MRO: variants seen among roughly 807,000 people sequenced by gnomAD.
MRO encodes protein maestro.
In MRO, 28 loss-of-function variants were observed where a neutral mutation model predicts 31.0. The ratio of observed to expected loss-of-function variants is 0.90; its 90% CI spans 0.67 to 1.24. The LOEUF is 1.24. MRO is among the 50% of genes most tolerant of loss of function. The probability of loss-of-function intolerance (pLI) is 0.00; values close to 1 mark genes in which losing one functional copy is unlikely to be tolerated. For synonymous variants in MRO, 108 were observed against 108.4 expected (o/e 1.00, Z 0.02); for missense variants, 332 against 289.2 (o/e 1.15, Z -1.07).
Position 50,805,687 on chromosome 18 carries a change from G to A in MRO, c.247-351C>T, listed in dbSNP as rs72927704. Reference sequence around the variant, plus strand: ...AGACAAAATGGACACTGAAGTTGGCGGATGGTAAAGGAGGAGGTGGGAAAA... The same window carrying A: ...AGACAAAATGGACACTGAAGTTGGCAGATGGTAAAGGAGGAGGTGGGAAAA... On this transcript the variant is annotated intron_variant, in intron 4 of 7. Coordinates refer to ENST00000398439, the MANE Select transcript of MRO (RefSeq NM_031939.6). Among the ~76,000 whole-genome samples, 507 of 152,128 alleles carry A rather than the reference G, an allele frequency of 3.3e-3. 2 individuals carry two copies. Among genetic ancestry groups the A allele is most frequent in the Non-Finnish European group, 5.9e-3 (398 of 67,994 alleles).
chr18:50,806,696 T>C lies in MRO; in HGVS notation c.246+8A>G. 1 of 1,614,048 alleles carries C rather than the reference T, an allele frequency of 6.2e-7. No individual in the cohort carries two copies. Among genetic ancestry groups the C allele is most frequent in the Non-Finnish European group, 8.5e-7 (1 of 1,179,996 alleles). On this transcript the variant is annotated splice_region_variant and intron_variant, in intron 4 of 7. Coordinates refer to ENST00000398439, the MANE Select transcript of MRO (RefSeq NM_031939.6). ...GGGAGCTGGCTGAGCCCCACTCTCC[T>C]TCCCTACCTTGTCAGGGGCTTCATA...
At chr18:50,804,048 G>T (rs1389409418) in intron 5 of MRO, among the ~76,000 whole-genome samples, 1 of 150,906 alleles carries the variant, frequency 6.6e-6, no homozygotes, top group African/African-American at 2.4e-5. Flanking sequence ...AGGAGCTGGT[G>T]GCATGTCCAC....
At chr18:50,810,916 T>A (rs1388379347) in intron 2 of MRO, among the ~76,000 whole-genome samples, 1 of 152,174 alleles carries the variant, frequency 6.6e-6, no homozygotes, top group Admixed American at 6.5e-5. Context: ...GTTGCATATG[T>A]ATACATGTGA....
At chr18:50,803,137 A>T (rs1913559723) in intron 5 of MRO, among the ~76,000 whole-genome samples, 1 of 152,140 alleles carries the variant, frequency 6.6e-6, no homozygotes, top group Admixed American at 6.5e-5. Context: ...ACTATCAGCA[A>T]ACAGCTCTGC....
chr18:50,819,288 G>C (rs1414446818), intron 2 of MRO, among the ~76,000 whole-genome samples: 1 of 152,154 alleles, frequency 6.6e-6, no homozygotes, highest in African/African-American at 2.4e-5. Context: ...TCAGTTTAAA[G>C]TGTCAATATC....
chr18:50,812,903 C>G (rs1914588524), intron 2 of MRO, among the ~76,000 whole-genome samples: 1 of 152,122 alleles, frequency 6.6e-6, no homozygotes, highest in African/African-American at 2.4e-5. Context: ...TAAAGCCCAC[C>G]AAGTAATTCC....
chr18:50,797,511 C>T lies in MRO; in HGVS notation c.*1826G>A, dbSNP rs1451796346. On this transcript the variant is annotated 3_prime_UTR_variant, in exon 8 of 8. Transcript: ENST00000398439. ...GGGGGCCACCAAAATAAAAGCCTAC[C>T]ATTGAATCTTAAAGTCAAATAATCC... 2 of 152,204 alleles carry T rather than the reference C, an allele frequency of 1.3e-5. No individual in the cohort carries two copies. Among genetic ancestry groups the T allele is most frequent in the Admixed American group, 6.6e-5 (1 of 15,262 alleles). The allele number at this position is 152,204 out of a possible 1,614,324, so 9.4% of individuals were successfully genotyped here. A position where few individuals can be genotyped will look rare whatever the true frequency, so the allele number is the denominator to read the frequency against.
chr18:50,802,340 T>C (rs1347870213), intron 5 of MRO, among the ~76,000 whole-genome samples: 2 of 152,198 alleles, frequency 1.3e-5, no homozygotes, highest in African/African-American at 4.8e-5. Flanking sequence ...TGCATTTCAG[T>C]GGACTCCGCC....
chr18:50,825,220 G>A (rs1309400353), intron 1 of MRO: 2 of 152,134 alleles, frequency 1.3e-5, no homozygotes, highest in Non-Finnish European at 2.9e-5. Context: ...CAGTTGAACT[G>A]GTTAAGTCTA....
rs571225724 is a variant in MRO at position 50,798,611 on chromosome 18, T to C, written c.*726A>G. The C allele has an allele frequency of 1.3e-5, 2 of 152,320 alleles. No homozygotes were observed. The highest frequency in any genetic ancestry group is 3.9e-4 in the East Asian group (2 of 5,182). The allele number at this position is 152,320 out of a possible 1,614,324, so 9.4% of individuals were successfully genotyped here. A position where few individuals can be genotyped will look rare whatever the true frequency, so the allele number is the denominator to read the frequency against. On this transcript the variant is annotated 3_prime_UTR_variant, in exon 8 of 8. Coordinates refer to ENST00000398439, the MANE Select transcript of MRO (RefSeq NM_031939.6). ...CTTACTATCTCAGGGTTGTCGCAAG[T>C]ATTAAATAGAACTTACAAAAAGCAC...
intron 2 of MRO, among the ~76,000 whole-genome samples, chr18:50,812,285 C>T (rs917192557): frequency 7.2e-5 from 11 of 152,112 alleles, no homozygotes; most frequent in Non-Finnish European, 1.6e-4. Flanking sequence ...AGCATCTTTT[C>T]GTGTGCTTGT....
At chr18:50,818,222 G>A (rs1915100859) in intron 2 of MRO, among the ~76,000 whole-genome samples, 1 of 152,124 alleles carries the variant, frequency 6.6e-6, no homozygotes, top group African/African-American at 2.4e-5. Context: ...CCGTAAGACA[G>A]GCATTCTTTC....
At position 50,798,121 on chromosome 18, in the gene MRO, T is replaced by A. The variant is rs1006612729; in HGVS notation, c.*1216A>T. The A allele has an allele frequency of 6.6e-6, 1 of 152,164 alleles. No homozygotes were observed. Among genetic ancestry groups the A allele is most frequent in the Non-Finnish European group, 1.5e-5 (1 of 68,030 alleles). 9.4% of individuals were successfully genotyped at this position (152,164 alleles called of 1,614,324 possible). ...GCCTGGATACTGAATTCAGGGGTGG[T>A]ACCAGAGTTTCTATAGAAGCTTGGG... On this transcript the variant is annotated 3_prime_UTR_variant, in exon 8 of 8. Coordinates refer to ENST00000398439, the MANE Select transcript of MRO (RefSeq NM_031939.6).
intron 2 of MRO, chr18:50,816,187 ATAGT>A (rs1379117753): frequency 6.5e-6 from 1 of 152,734 alleles, no homozygotes; most frequent in Non-Finnish European, 1.5e-5. Context: ...ACGATGATAC[ATAGT>A]TAGAAAAGTT....
In MRO at chr18:50,798,156, G is replaced by A. The variant is rs1219538186; in HGVS notation, c.*1181C>T. The A allele has an allele frequency of 6.6e-6, 1 of 152,148 alleles. No individual in the cohort carries two copies. Among genetic ancestry groups the A allele is most frequent in the Admixed American group, 6.6e-5 (1 of 15,252 alleles). The allele number at this position is 152,148 out of a possible 1,614,324, so 9.4% of individuals were successfully genotyped here. A position where few individuals can be genotyped will look rare whatever the true frequency, so the allele number is the denominator to read the frequency against. On this transcript the variant is annotated 3_prime_UTR_variant, in exon 8 of 8. Transcript: ENST00000398439. The stretch of plus-strand genomic sequence containing the variant: ...TCTATAGAAGCTTGGGATGCAATCT[G>A]GTTAGAGGGAGGGTGAGAGGGACTT...
At position 50,819,566 on chromosome 18, in the gene MRO, AAC is replaced by A. The variant is rs1915204159; in HGVS notation, c.-5+13_-5+14del. The A allele has an allele frequency of 6.4e-7, 1 of 1,551,508 alleles. No homozygotes were observed. Among genetic ancestry groups the A allele is most frequent in the East Asian group, 2.4e-5 (1 of 40,912 alleles). ...CCCGCTGCATCTGGCTGCCCCGGCC[AAC>A]AGTGTCCCTTACCTGCGGCTCCTGC... is the stretch of plus-strand genomic sequence containing the variant. On this transcript the variant is annotated intron_variant, in intron 2 of 7. Coordinates refer to ENST00000398439, the MANE Select transcript of MRO (RefSeq NM_031939.6).
At position 50,801,354 on chromosome 18, in the gene MRO, C is replaced by T. The variant is rs1913292073; in HGVS notation, c.580G>A (p.Ala194Thr). The T allele has an allele frequency of 6.3e-7, 1 of 1,578,430 alleles. No individual in the cohort carries two copies. Among genetic ancestry groups the T allele is most frequent in the African/African-American group, 1.4e-5 (1 of 74,030 alleles). The change falls in exon 6 of 8, where the codon GCC becomes ACC. Residue 194 changes from alanine to threonine, a missense_variant. Ala to Thr is a moderately conservative substitution (Grantham distance 58). Transcript: ENST00000398439. ...IHLQDRNPQVAKACKTTFQAC... is the reference protein window; with the variant it reads ...IHLQDRNPQVTKACKTTFQAC... ...TTGCAGAGTCAAGGTCTTACCTTGG[C>T]AACCTGGGGATTTCTGTCCTGTAAA... is the stretch of plus-strand genomic sequence containing the variant.
At chr18:50,805,642 G>C (rs1913848880) in intron 4 of MRO, among the ~76,000 whole-genome samples, 1 of 152,120 alleles carries the variant, frequency 6.6e-6, no homozygotes. Context: ...GGAGAACTAG[G>C]TACCTTTATA....
Position 50,809,201 on chromosome 18 carries a change from C to T in MRO, c.99+101G>A, listed in dbSNP as rs558211737. Reference sequence around the variant, plus strand: ...GTCATCAAAGTTTTTTCAGAAGGAACTTCAGTGGAGCAGGCCTAACTAACC... The same window carrying T: ...GTCATCAAAGTTTTTTCAGAAGGAATTTCAGTGGAGCAGGCCTAACTAACC... On this transcript the variant is annotated intron_variant, in intron 3 of 7. Coordinates refer to ENST00000398439, the MANE Select transcript of MRO (RefSeq NM_031939.6). 22 of 471,370 alleles carry T rather than the reference C, an allele frequency of 4.7e-5. No homozygotes were observed. The South Asian group carries it at 6.9e-4, about 15-fold the overall frequency. 29.2% of individuals were successfully genotyped at this position (471,370 alleles called of 1,614,324 possible).
Sources: allele counts gnomAD v4.1 joint callset (sites outside exome capture counted in the v4.1 genomes callset), GRCh38; gene constraint gnomAD v4.1.1; transcripts MANE v1.5; gene names NCBI Gene and HGNC (gene_info 2026-07-23, HGNC 2026-07-21).